PRKRA: variants seen among roughly 807,000 people sequenced by gnomAD.
PRKRA encodes the protein interferon-inducible double-stranded RNA-dependent protein kinase activator A.
PRKRA carries 22 observed loss-of-function variants against 32.4 expected under a neutral mutation model. The observed-to-expected ratio is 0.68, with a 90% CI of 0.49 to 0.97. The LOEUF is 0.97. PRKRA is among the 50% of genes least tolerant of loss of function. The probability of loss-of-function intolerance (pLI) is 0.00; values close to 1 mark genes in which losing one functional copy is unlikely to be tolerated. For synonymous variants in PRKRA, 139 were observed against 129.8 expected (o/e 1.07, Z -0.48); for missense variants, 319 against 375.6 (o/e 0.85, Z 1.25).
intron 1 of PRKRA, chr2:178,450,672 C>A (rs1412264373): frequency 2.8e-6 from 4 of 1,424,680 alleles, no homozygotes; most frequent in African/African-American, 2.9e-5. Context: ...CAGAACAGGG[C>A]TGGCAGCAGC....
At chr2:178,442,277 T>G (rs114366961) in intron 5 of PRKRA, among the ~76,000 whole-genome samples, 1,931 of 152,340 alleles carry the variant, frequency 0.013, 15 homozygotes, top group Middle Eastern at 0.041. Flanking sequence ...TAATTGTATT[T>G]TCCTATGTCT....
intron 7 of PRKRA, among the ~76,000 whole-genome samples, chr2:178,435,094 G>A (rs1305708945): frequency 2.6e-5 from 4 of 152,038 alleles, no homozygotes; most frequent in African/African-American, 9.7e-5. Flanking sequence ...GCACACAGCA[G>A]TAGTCCCAGC....
At chr2:178,449,757 C>T (rs569522656) in intron 2 of PRKRA, among the ~76,000 whole-genome samples, 1 of 152,356 alleles carries the variant, frequency 6.6e-6, no homozygotes, top group African/African-American at 2.4e-5. Flanking sequence ...TCTCCCCTTC[C>T]TCATTTTGTT....
rs185456719 is a variant in PRKRA at position 178,442,707 on chromosome 2, T to C, written c.514+560A>G. ...GCTAAAATCCCATTTTAAGCCACTTTTGAAAATAACAAAAACATGCCAGAG... is the reference window on the plus strand; with the variant it reads ...GCTAAAATCCCATTTTAAGCCACTTCTGAAAATAACAAAAACATGCCAGAG... On this transcript the variant is annotated intron_variant, in intron 5 of 7. Transcript: ENST00000325748. Among the ~76,000 whole-genome samples, 221 of 152,366 alleles carry C rather than the reference T, an allele frequency of 1.5e-3. 5 individuals carry two copies. The South Asian group carries it at 0.022, about 15-fold the overall frequency.
At chr2:178,443,407 T>C in intron 4 of PRKRA, 23 bp from the exon 5 acceptor site, 1 of 700,898 alleles carries the variant, frequency 1.4e-6, no homozygotes, top group Non-Finnish European at 2.1e-6. Flanking sequence ...GATGAGGCTT[T>C]AATAGTAATT....
At chr2:178,450,804 A>C in intron 1 of PRKRA, 162 bp downstream of exon 1, 1 of 1,342,798 alleles carries the variant, frequency 7.4e-7, no homozygotes, top group South Asian at 1.9e-5. Context: ...CGCAGACCCC[A>C]ACCCTCGCCG....
chr2:178,436,804 C>T (rs1203409119), intron 6 of PRKRA, among the ~76,000 whole-genome samples: 1 of 151,872 alleles, frequency 6.6e-6, no homozygotes, highest in Non-Finnish European at 1.5e-5. Context: ...ATGAAATGTG[C>T]GCGTTGGGTT....
chr2:178,450,135 G>A, intron 2 of PRKRA, 107 bp downstream of exon 2: 1 of 1,208,538 alleles, frequency 8.3e-7, no homozygotes, highest in Non-Finnish European at 1.1e-6. Flanking sequence ...TTCAGAGCCT[G>A]TTCCTCACAG....
In PRKRA at chr2:178,432,764, TA is replaced by T. The variant is rs546456694; in HGVS notation, c.785-511del. ...GCAAAACCTCCCTTGTGTCTTCTAT[TA>T]AAAAAAAATGTTTAATTGATACATA... On this transcript the variant is annotated intron_variant, in intron 7 of 7. Coordinates refer to ENST00000325748, the MANE Select transcript of PRKRA (RefSeq NM_003690.5). 6.7e-4 allele frequency among the ~76,000 whole-genome samples: 101 copies of T among 151,640 alleles called. 1 individual carries two copies. Among genetic ancestry groups the T allele is most frequent in the Non-Finnish European group, 1.1e-3 (78 of 67,830 alleles).
At chr2:178,439,373 A>G (rs1002365811) in intron 6 of PRKRA, 2 of 152,178 alleles carry the variant, frequency 1.3e-5, no homozygotes, top group African/African-American at 2.4e-5. Flanking sequence ...CCCAGATACA[A>G]TAATTTTTAG....
At chr2:178,432,417 A>G in intron 7 of PRKRA, 163 bp from the exon 8 acceptor site, 1 of 833,100 alleles carries the variant, frequency 1.2e-6, no homozygotes, top group Non-Finnish European at 1.9e-6. Context: ...AAAAACCACA[A>G]CTGCTCAGCT....
At chr2:178,449,955 G>T in intron 2 of PRKRA, 1 of 499,674 alleles carries the variant, frequency 2.0e-6, no homozygotes, top group Non-Finnish European at 3.6e-6. Flanking sequence ...CTAATTCTAA[G>T]AAGAACCCTA....
At chr2:178,436,566 T>C (rs1004821359) in intron 6 of PRKRA, among the ~76,000 whole-genome samples, 3 of 152,234 alleles carry the variant, frequency 2.0e-5, no homozygotes, top group Non-Finnish European at 1.5e-5. Context: ...TTTTGTATAG[T>C]ACAAATGTTT....
chr2:178,436,112 G>T, intron 7 of PRKRA, 33 bp downstream of exon 7: 1 of 1,555,470 alleles, frequency 6.4e-7, no homozygotes, highest in Admixed American at 1.7e-5. Flanking sequence ...AAATAAACAT[G>T]TCTTGGGAAA....
At chr2:178,442,332 GATTT>G (rs1297221617) in intron 5 of PRKRA, among the ~76,000 whole-genome samples, 13 of 152,042 alleles carry the variant, frequency 8.6e-5, no homozygotes, top group South Asian at 2.1e-4. Context: ...CAATTATTTA[GATTT>G]ATTAAAATAC....
chr2:178,438,675 TG>T (rs1432768597), intron 6 of PRKRA, among the ~76,000 whole-genome samples: 3 of 151,398 alleles, frequency 2.0e-5, no homozygotes, highest in Non-Finnish European at 4.4e-5. Context: ...AAATGAACGC[TG>T]GTAGGTTTTT....
In PRKRA at chr2:178,451,173, G is replaced by T; in HGVS notation, c.-143C>A. ...CCTCCTGCTTGCGTTGCTCCAGCGA[G>T]GGGGCAGGCAGGGTGGGGGCGGAGC... On this transcript the variant is annotated 5_prime_UTR_variant, in exon 1 of 8. Transcript: ENST00000325748. The T allele has an allele frequency of 1.1e-6, 1 of 899,270 alleles. No individual in the cohort carries two copies. The highest frequency in any genetic ancestry group is 1.6e-6 in the Non-Finnish European group (1 of 615,810). The allele number at this position is 899,270 out of a possible 1,614,324, so 55.7% of individuals were successfully genotyped here. A position where few individuals can be genotyped will look rare whatever the true frequency, so the allele number is the denominator to read the frequency against.
intron 6 of PRKRA, among the ~76,000 whole-genome samples, chr2:178,440,766 T>A (rs1575092926): frequency 1.3e-5 from 2 of 152,218 alleles, no homozygotes; most frequent in African/African-American, 4.8e-5. Flanking sequence ...TTTCACTCAC[T>A]TACCATAATG....
In PRKRA at chr2:178,441,730, A is replaced by G. The variant is rs529529171; in HGVS notation, c.515-26T>C. The G allele has an allele frequency of 8.6e-4, 636 of 740,806 alleles. 19 individuals carry two copies. Among genetic ancestry groups the G allele is most frequent in the South Asian group, 8.4e-3 (451 of 53,832 alleles). 45.9% of individuals were successfully genotyped at this position (740,806 alleles called of 1,614,324 possible). On this transcript the variant is annotated intron_variant, in intron 5 of 7. Coordinates refer to ENST00000325748, the MANE Select transcript of PRKRA (RefSeq NM_003690.5). ...CTGAACAAAGAAAAAGAAATGGTAG[A>G]TTTAGAAAAGAAATTAGTGTCCACA...
Sources: gnomAD v4.1 joint callset for allele counts (sites outside exome capture counted in the v4.1 genomes callset) on GRCh38, gnomAD v4.1.1 for gene constraint, MANE v1.5 for transcripts, NCBI Gene and HGNC (gene_info 2026-07-23, HGNC 2026-07-21) for gene names.